CNTLN: variants seen among roughly 807,000 people sequenced by gnomAD.
CNTLN encodes centlein.
In CNTLN, 212 loss-of-function variants were observed where a neutral mutation model predicts 180.0. The observed-to-expected ratio is 1.18, with a 90% CI of 1.05 to 1.32. The LOEUF (loss-of-function observed/expected upper bound fraction) is 1.32. Among genes scored for constraint, CNTLN ranks in the 40% most tolerant of loss-of-function variants. The pLI is 0.00. For synonymous variants in CNTLN, 722 were observed against 563.1 expected, an observed-to-expected ratio of 1.28 and a Z score of -3.99; for missense variants, 2,095 against 1,610.9, an observed-to-expected ratio of 1.30 and a Z score of -5.14.
At chr9:17,265,588 G>C (rs1409182509) in intron 5 of CNTLN, among the ~76,000 whole-genome samples, 1 of 152,080 alleles carries the variant, frequency 6.6e-6, no homozygotes, top group Admixed American at 6.6e-5. Flanking sequence ...TTTTTCTATT[G>C]ATTGGAATAG....
chr9:17,276,188 G>T (rs985332809), intron 6 of CNTLN, among the ~76,000 whole-genome samples: 1 of 152,066 alleles, frequency 6.6e-6, no homozygotes, highest in African/African-American at 2.4e-5. Flanking sequence ...ATAGCACAGA[G>T]TTGGTAGTTT....
chr9:17,423,055 C>T (rs1828831830), intron 18 of CNTLN, among the ~76,000 whole-genome samples: 2 of 152,300 alleles, frequency 1.3e-5, no homozygotes, highest in South Asian at 4.1e-4. Flanking sequence ...TCTTCCCTCA[C>T]TTTGCCCCAA....
At chr9:17,500,922 C>G (rs1833718389) in intron 25 of CNTLN, among the ~76,000 whole-genome samples, 1 of 152,058 alleles carries the variant, frequency 6.6e-6, no homozygotes, top group South Asian at 2.1e-4. Context: ...CAAGGTAACT[C>G]TTTTTTACAT....
At position 17,461,254 on chromosome 9, in the gene CNTLN, A is replaced by G. The variant is rs549729767; in HGVS notation, c.3307-1662A>G. Among the ~76,000 whole-genome samples, 128 of 151,726 alleles carry G rather than the reference A, an allele frequency of 8.4e-4. 1 individual carries two copies. The highest frequency in any genetic ancestry group is 1.4e-3 in the Non-Finnish European group (97 of 67,686). ...GGTGTCCGTATTTCTAACTGAATGA[A>G]CAATCATCAGAGAAAGAATTGAAAA... is the stretch of plus-strand genomic sequence containing the variant. On this transcript the variant is annotated intron_variant, in intron 19 of 25. Coordinates refer to ENST00000380647, the MANE Select transcript of CNTLN (RefSeq NM_017738.4).
At chr9:17,322,108 C>T (rs1819954540) in intron 8 of CNTLN, among the ~76,000 whole-genome samples, 1 of 151,876 alleles carries the variant, frequency 6.6e-6, no homozygotes, top group Non-Finnish European at 1.5e-5. Flanking sequence ...TAATTATATT[C>T]AGTAATTTAT....
In CNTLN at chr9:17,281,281, A is replaced by ATTT. The variant is rs879671018; in HGVS notation, c.983+7415_983+7416insTTT. Among the ~76,000 whole-genome samples the ATTT allele has an allele frequency of 5.9e-3, 826 of 139,436 alleles. 6 individuals are homozygous for ATTT. Among genetic ancestry groups the ATTT allele is most frequent in the Admixed American group, 8.8e-3 (124 of 14,068 alleles). The allele number at this position is 139,436 out of a possible 152,430, so 91.5% of individuals were successfully genotyped here. A position where few individuals can be genotyped will look rare whatever the true frequency, so the allele number is the denominator to read the frequency against. On this transcript the variant is annotated intron_variant, in intron 6 of 25. Transcript: ENST00000380647. The stretch of plus-strand genomic sequence containing the variant: ...TCCTGTTATTTTATTTTATTTTTTA[A>ATTT]AAATTAATTTTGTTTCAAGTTCCAG...
chr9:17,299,923 A>G, intron 7 of CNTLN: 1 of 386,746 alleles, frequency 2.6e-6, no homozygotes, highest in Non-Finnish European at 3.5e-6. Flanking sequence ...GTCCCTTTTT[A>G]ATTTCTTTGT....
chr9:17,505,449 A>C (rs574231204), downstream of CNTLN, among the ~76,000 whole-genome samples: 1 of 152,280 alleles, frequency 6.6e-6, no homozygotes, highest in Admixed American at 6.5e-5. Flanking sequence ...TCAAGATGCA[A>C]AATCAACATG....
At chr9:17,258,900 T>C (rs1587369865) in intron 5 of CNTLN, among the ~76,000 whole-genome samples, 1 of 146,094 alleles carries the variant, frequency 6.8e-6, no homozygotes, top group Non-Finnish European at 1.5e-5. Flanking sequence ...TTTCTAGATA[T>C]ACATTCATGT....
intron 5 of CNTLN, among the ~76,000 whole-genome samples, chr9:17,263,244 C>A (rs1393470041): frequency 1.4e-5 from 2 of 139,406 alleles, no homozygotes; most frequent in Non-Finnish European, 3.0e-5. Context: ...TTCCTGTGTC[C>A]ATGTGATCTC....
chr9:17,341,022 A>T, intron 11 of CNTLN, 74 bp downstream of exon 11: 2 of 1,332,960 alleles, frequency 1.5e-6, no homozygotes, highest in Non-Finnish European at 2.0e-6. Flanking sequence ...AGGTGTCTTA[A>T]TGGCTTTTGT....
intron 12 of CNTLN, among the ~76,000 whole-genome samples, chr9:17,351,338 T>C (rs568623420): frequency 2.9e-4 from 44 of 152,338 alleles, no homozygotes; most frequent in African/African-American, 9.4e-4. Context: ...CTTTCAGACC[T>C]GTATATCTAG....
At chr9:17,226,370 A>T (rs534976877) in intron 3 of CNTLN, 83 bp downstream of exon 3, 2 of 721,260 alleles carry the variant, frequency 2.8e-6, no homozygotes, top group East Asian at 6.3e-5. Flanking sequence ...TTTTTTTGCA[A>T]TAGTGTTTAT....
At chr9:17,268,138 TTC>T (rs1827633488) in intron 5 of CNTLN, among the ~76,000 whole-genome samples, 1 of 152,208 alleles carries the variant, frequency 6.6e-6, no homozygotes, top group Admixed American at 6.5e-5. Flanking sequence ...CCAGTTTTTC[TTC>T]TCTGTTTTTT....
At chr9:17,323,809 T>C (rs1215704541) in intron 8 of CNTLN, among the ~76,000 whole-genome samples, 2 of 152,196 alleles carry the variant, frequency 1.3e-5, no homozygotes, top group Non-Finnish European at 2.9e-5. Flanking sequence ...TAATTTATCA[T>C]CCTTTTTCCC....
At chr9:17,464,820 A>G (rs892874913) in intron 21 of CNTLN, among the ~76,000 whole-genome samples, 197 bp downstream of exon 21, 55 of 151,222 alleles carry the variant, frequency 3.6e-4, no homozygotes, top group African/African-American at 1.3e-3. Context: ...CATACATAAT[A>G]TGGCCACACA....
intron 6 of CNTLN, among the ~76,000 whole-genome samples, chr9:17,281,490 A>AC (rs1365523814): frequency 2.6e-5 from 4 of 151,532 alleles, no homozygotes; most frequent in African/African-American, 9.7e-5. Flanking sequence ...TTGTTCCCCT[A>AC]CCTGTATCCG....
At chr9:17,374,639 C>T (rs762819584) in intron 13 of CNTLN, among the ~76,000 whole-genome samples, 13 of 152,018 alleles carry the variant, frequency 8.6e-5, no homozygotes, top group East Asian at 1.9e-4. Context: ...GTGGGTGGAT[C>T]GCTTGAGGTC....
chr9:17,362,777 T>C (rs1823503916), intron 12 of CNTLN, among the ~76,000 whole-genome samples: 1 of 152,144 alleles, frequency 6.6e-6, no homozygotes, highest in African/African-American at 2.4e-5. Context: ...CTGGGATACA[T>C]GTGCAGAGTA....
Sources: gnomAD v4.1 joint callset for allele counts (sites outside exome capture counted in the v4.1 genomes callset) on GRCh38, gnomAD v4.1.1 for gene constraint, MANE v1.5 for transcripts, NCBI Gene and HGNC (gene_info 2026-07-23, HGNC 2026-07-21) for gene names.